The following IRF7 variants were observed in gnomAD, a reference collection of about 807,000 sequenced individuals.
IRF7 encodes the protein interferon regulatory factor 7, also known as interferon regulatory factor-7H.
A neutral mutation model predicts 51.3 loss-of-function variants in IRF7; 67 were observed. The observed-to-expected ratio is 1.31, with a 90% CI of 1.07 to 1.60. The LOEUF (loss-of-function observed/expected upper bound fraction) is 1.60, where lower values mean the gene tolerates loss of function less well. IRF7 is among the 40% of genes most tolerant of loss of function. The pLI is 0.00. For synonymous variants in IRF7, 427 were observed against 301.3 expected (o/e 1.42, Z -4.32); for missense variants, 873 against 701.5 (o/e 1.24, Z -2.76).
rs776150762 is a variant in IRF7, at chr11:614,222, G to C, written c.631C>G (p.Pro211Ala). The C allele has an allele frequency of 1.4e-5, 23 of 1,612,946 alleles. No individual in the cohort carries two copies. The Middle Eastern group carries it at 6.6e-4, about 46-fold the overall frequency. Residue 211 changes from proline (P) to alanine (A), a missense_variant, in exon 6 of 11, where the codon CCT becomes GCT. Coordinates refer to ENST00000525445, the MANE Select transcript of IRF7 (RefSeq NM_001572.5). Reference protein sequence around the residue: ...WGADPVPTKAPGEGQEGLPLT... With the variant: ...WGADPVPTKAAGEGQEGLPLT... Reference sequence around the variant, plus strand: ...GGAAGCCCTTCTTGTCCCTCTCCAGGAGCCTTGGTTGGGACTGGATCTGCC... The same window carrying C: ...GGAAGCCCTTCTTGTCCCTCTCCAGCAGCCTTGGTTGGGACTGGATCTGCC...
At chr11:614,065 T>G in intron 6 of IRF7, 28 bp from the exon 7 acceptor site, 5 of 1,592,348 alleles carry the variant, frequency 3.1e-6, no homozygotes, top group Non-Finnish European at 4.3e-6. Context: ...GTGGGAACGG[T>G]GGTCCCCTCC....
At chr11:612,869 G>T in intron 10 of IRF7, 69 bp from the exon 11 acceptor site, 1 of 1,589,880 alleles carries the variant, frequency 6.3e-7, no homozygotes. Flanking sequence ...CCCAGGCTCT[G>T]AGGGCGTCGG....
chr11:613,651 ACGGGGG>A, intron 8 of IRF7, 56 bp from the exon 9 acceptor site: 4 of 366,366 alleles, frequency 1.1e-5, no homozygotes, highest in Non-Finnish European at 1.6e-5. Flanking sequence ...GCTGTGAGTG[ACGGGGG>A]TGGGCGGGGA....
intron 10 of IRF7, 71 bp downstream of exon 10, chr11:612,928 C>G: frequency 6.3e-7 from 1 of 1,588,902 alleles, no homozygotes; most frequent in Non-Finnish European, 8.6e-7. Context: ...CTCTCCGAGG[C>G]TCTGAGGGCA....
At chr11:614,106 C>T (rs1006081214) in intron 6 of IRF7, 68 bp downstream of exon 6, 8 of 1,582,206 alleles carry the variant, frequency 5.1e-6, no homozygotes, top group African/African-American at 1.4e-5. Flanking sequence ...CCCCAGCCCC[C>T]TTCTAAAGTG....
chr11:612,951 C>T lies in IRF7; in HGVS notation c.1356+48G>A, dbSNP rs777558624. The T allele has an allele frequency of 8.2e-6, 13 of 1,594,410 alleles. No individual in the cohort carries two copies. In the Admixed American group the frequency reaches 1.8e-4, roughly 23 times the overall value. On this transcript the variant is annotated intron_variant, in intron 10 of 10. Transcript: ENST00000525445. ...GGCTCTGAGGGCATCAGGCGTCTGT[C>T]AGTGGGCCTGAGCACATGGCCTCCC...
rs1209884854 is a variant in IRF7, at chr11:613,100, C to T, written c.1255G>A (p.Ala419Thr). Residue 419 changes from alanine (A) to threonine (T), a missense_variant, in exon 10 of 11, where the codon GCA becomes ACA. Coordinates refer to ENST00000525445, the MANE Select transcript of IRF7 (RefSeq NM_001572.5). Reference sequence around the variant, plus strand: ...CGTGGGGAGCCACGGCGCTGCCGTGCCCGGAATTCCACCAGCTCTGAAGAA... The same window carrying T: ...CGTGGGGAGCCACGGCGCTGCCGTGTCCGGAATTCCACCAGCTCTGAAGAA... ...VFFQELVEFR[A>T]RQRRGSPRYT... 2 of 1,612,858 alleles carry T rather than the reference C, an allele frequency of 1.2e-6. No individual in the cohort carries two copies. The highest frequency in any genetic ancestry group is 1.7e-6 in the Non-Finnish European group (2 of 1,179,946).
In IRF7 at chr11:615,243, G is replaced by A; in HGVS notation, c.37C>T (p.Leu13=). The A allele has an allele frequency of 6.3e-7, 1 of 1,585,618 alleles. No homozygotes were observed. Among genetic ancestry groups the A allele is most frequent in the Non-Finnish European group, 8.5e-7 (1 of 1,170,864 alleles). The change falls in exon 3 of 11, where the codon CTG becomes TTG. Residue 13 remains leucine, a synonymous_variant. Coordinates refer to ENST00000525445, the MANE Select transcript of IRF7 (RefSeq NM_001572.5). ...LAPERAAPRV[L]FGEWLLGEIS... ...TCTCCAAGGAGCCACTCTCCGAACA[G>A]CACGCGTGGGGCTGCCCTGCGGGTG...
chr11:613,622 C>CG (rs1856588509), intron 8 of IRF7, 27 bp from the exon 9 acceptor site: 6 of 949,046 alleles, frequency 6.3e-6, no homozygotes, highest in Non-Finnish European at 8.1e-6. Context: ...CTGTGAGTGA[C>CG]GGGGGTGGGC....
intron 4 of IRF7, 41 bp from the exon 5 acceptor site, chr11:614,575 G>A (rs1856706059): frequency 1.3e-6 from 2 of 1,547,156 alleles, no homozygotes; most frequent in African/African-American, 1.4e-5. Flanking sequence ...CGACACCAGA[G>A]TGAGAGATAC....
At chr11:615,054 G>A (rs1156523535) in intron 3 of IRF7, 43 bp downstream of exon 3, 1 of 1,558,560 alleles carries the variant, frequency 6.4e-7, no homozygotes, top group African/African-American at 1.4e-5. Flanking sequence ...GGGGTCCTAG[G>A]CGGGCTCTCC....
At chr11:613,922 C>G (rs747695604) in intron 7 of IRF7, 29 bp downstream of exon 7, 1 of 1,600,944 alleles carries the variant, frequency 6.2e-7, no homozygotes, top group South Asian at 1.1e-5. Context: ...TCCCTGTGCC[C>G]CAGGCCTCCC....
chr11:614,062 C>CG, intron 6 of IRF7, 25 bp from the exon 7 acceptor site: 3 of 1,594,284 alleles, frequency 1.9e-6, no homozygotes, highest in Non-Finnish European at 2.6e-6. Context: ...ACAGTGGGAA[C>CG]GGTGGTCCCC....
In IRF7 at chr11:614,189, C is replaced by T. The variant is rs746001143; in HGVS notation, c.664G>A (p.Gly222Arg). Reference protein sequence around the residue: ...GEGQEGLPLTGACAGGPGLPA... With the variant: ...GEGQEGLPLTRACAGGPGLPA... The stretch of plus-strand genomic sequence containing the variant: ...ACGCCCACACCTCCAGCACAGGCCC[C>T]AGTCAGGGGAAGCCCTTCTTGTCCC... The change falls in exon 6 of 11, where the codon GGG becomes AGG. Residue 222 changes from glycine to arginine, a missense_variant. By Grantham distance (125) the Gly-to-Arg change is moderately radical. Coordinates refer to ENST00000525445, the MANE Select transcript of IRF7 (RefSeq NM_001572.5). 9.3e-6 allele frequency: 15 copies of T among 1,612,592 alleles called. No individual in the cohort carries two copies. The highest frequency in any genetic ancestry group is 2.2e-5 in the East Asian group (1 of 44,878).
chr11:614,449 A>AG, intron 5 of IRF7, 27 bp downstream of exon 5: 2 of 1,573,880 alleles, frequency 1.3e-6, no homozygotes, highest in Non-Finnish European at 8.6e-7. Context: ...GCCTGGCAGG[A>AG]GGAGAGGCAG....
At chr11:614,119 C>A in intron 6 of IRF7, 55 bp downstream of exon 6, 1 of 1,584,058 alleles carries the variant, frequency 6.3e-7, no homozygotes, top group East Asian at 2.3e-5. Context: ...CTAAAGTGTC[C>A]GTCCAGGTGC....
rs746492654 is a variant in IRF7, at chr11:613,980, G to C, written c.737C>G (p.Pro246Arg). The C allele has an allele frequency of 1.9e-6, 3 of 1,607,664 alleles. No homozygotes were observed. Among genetic ancestry groups the C allele is most frequent in the African/African-American group, 2.7e-5 (2 of 74,752 alleles). ...YGWAVETTPS[P>R]GPQPAALTTG... Reference sequence around the variant, plus strand: ...CGTTAGTGCCGCGGGCTGGGGCCCGGGGCTGGGGGTCGTCTCTACTGCCCA... The same window carrying C: ...CGTTAGTGCCGCGGGCTGGGGCCCGCGGCTGGGGGTCGTCTCTACTGCCCA... The change falls in exon 7 of 11, where the codon CCC becomes CGC. Residue 246 changes from proline to arginine, a missense_variant. Pro to Arg is a moderately radical substitution (Grantham distance 103). Coordinates refer to ENST00000525445, the MANE Select transcript of IRF7 (RefSeq NM_001572.5).
intron 6 of IRF7, 45 bp from the exon 7 acceptor site, chr11:614,082 TCCAGCTCCCCAATCC>T (rs1388606553): frequency 6.3e-7 from 1 of 1,583,568 alleles, no homozygotes; most frequent in African/African-American, 1.4e-5. Flanking sequence ...CTCCTAATTC[TCCAGCTCCCCAATCC>T]CCAGCCCCCT....
At position 614,229 on chromosome 11, in the gene IRF7, G is replaced by A. The variant is rs765216545; in HGVS notation, c.624C>T (p.Thr208=). ...TASWGADPVP[T]KAPGEGQEGL... ...CTTCTTGTCCCTCTCCAGGAGCCTT[G>A]GTTGGGACTGGATCTGCCCCCCATG... The change falls in exon 6 of 11, where the codon ACC becomes ACT. Residue 208 remains threonine (T), a synonymous_variant. Transcript: ENST00000525445. The A allele has an allele frequency of 1.2e-6, 2 of 1,613,024 alleles. No homozygotes were observed. Among genetic ancestry groups the A allele is most frequent in the South Asian group, 2.2e-5 (2 of 91,040 alleles).
Sources: allele counts gnomAD v4.1 joint callset, GRCh38; gene constraint gnomAD v4.1.1; transcripts MANE v1.5; gene names NCBI Gene and HGNC (gene_info 2026-07-23, HGNC 2026-07-21).